The following SGCZ variants were observed in gnomAD, a reference collection of about 807,000 sequenced individuals.
SGCZ encodes sarcoglycan zeta.
SGCZ carries 40 observed loss-of-function variants against 41.3 expected under a neutral mutation model. That is an observed-to-expected ratio of 0.97 (90% confidence interval 0.75 to 1.26). The LOEUF (loss-of-function observed/expected upper bound fraction) is 1.26. Among genes scored for constraint, SGCZ ranks in the 50% most tolerant of loss-of-function variants. The pLI, the probability that SGCZ is intolerant of heterozygous loss-of-function variation, is 0.00. For synonymous variants in SGCZ, 206 were observed against 137.5 expected (o/e 1.50, Z -3.49); for missense variants, 552 against 369.8 (o/e 1.49, Z -4.04).
At chr8:14,758,688 A>G (rs1259167793) in intron 1 of SGCZ, among the ~76,000 whole-genome samples, 1 of 152,214 alleles carries the variant, frequency 6.6e-6, no homozygotes, top group Non-Finnish European at 1.5e-5. Context: ...GAAATTATTT[A>G]CCATTTATTT....
At chr8:14,573,748 T>C (rs62498434) in intron 1 of SGCZ, among the ~76,000 whole-genome samples, 1 of 152,154 alleles carries the variant, frequency 6.6e-6, no homozygotes. Context: ...ATGAAAAATA[T>C]TCAACGAATA....
intron 2 of SGCZ, among the ~76,000 whole-genome samples, chr8:14,419,997 G>C (rs1256422545): frequency 1.3e-5 from 2 of 152,018 alleles, no homozygotes; most frequent in Non-Finnish European, 1.5e-5. Flanking sequence ...AATGTGATTT[G>C]TTGAAAGTAT....
intron 1 of SGCZ, among the ~76,000 whole-genome samples, chr8:14,880,171 T>C (rs1304138803): frequency 6.6e-6 from 1 of 152,166 alleles, no homozygotes; most frequent in Non-Finnish European, 1.5e-5. Flanking sequence ...CAGGCATTAA[T>C]TTGCTCCTGT....
At chr8:14,592,164 T>C (rs1363429871) in intron 1 of SGCZ, among the ~76,000 whole-genome samples, 2 of 152,170 alleles carry the variant, frequency 1.3e-5, no homozygotes, top group Non-Finnish European at 2.9e-5. Context: ...TTTCATTTGT[T>C]CATTTAAACA....
chr8:15,004,325 C>T (rs545385368), intron 1 of SGCZ, among the ~76,000 whole-genome samples: 22 of 152,088 alleles, frequency 1.4e-4, no homozygotes, highest in Admixed American at 4.6e-4. Context: ...ACCAGGCCCA[C>T]GCATGTGCAC....
intron 1 of SGCZ, among the ~76,000 whole-genome samples, chr8:14,995,716 A>T (rs1250900355): frequency 6.6e-6 from 1 of 152,224 alleles, no homozygotes; most frequent in African/African-American, 2.4e-5. Flanking sequence ...AAAATAGCAT[A>T]ATAACAACTG....
intron 1 of SGCZ, among the ~76,000 whole-genome samples, chr8:14,667,224 A>C (rs966111717): frequency 6.6e-6 from 1 of 152,166 alleles, no homozygotes; most frequent in Non-Finnish European, 1.5e-5. Context: ...TCAATTCCTA[A>C]ACTAATTTCT....
chr8:14,624,308 G>C (rs1806378268), intron 1 of SGCZ, among the ~76,000 whole-genome samples: 1 of 152,006 alleles, frequency 6.6e-6, no homozygotes, highest in African/African-American at 2.4e-5. Flanking sequence ...CCAAGAAAGT[G>C]ATGTCTTTAT....
intron 2 of SGCZ, among the ~76,000 whole-genome samples, chr8:14,326,623 G>C (rs570400940): frequency 9.0e-4 from 137 of 152,206 alleles, no homozygotes; most frequent in Admixed American, 1.5e-3. Flanking sequence ...TGTCAAAACT[G>C]ATGCTGGAAA....
At chr8:14,197,209 C>T (rs1805293501) in intron 4 of SGCZ, among the ~76,000 whole-genome samples, 1 of 152,090 alleles carries the variant, frequency 6.6e-6, no homozygotes, top group African/African-American at 2.4e-5. Context: ...ACTAATTCTA[C>T]TAAATATTTA....
chr8:14,780,817 T>G (rs1800567030), intron 1 of SGCZ, among the ~76,000 whole-genome samples: 1 of 152,194 alleles, frequency 6.6e-6, no homozygotes, highest in African/African-American at 2.4e-5. Flanking sequence ...TTTTTTAAAT[T>G]ACTTCCAGAG....
intron 3 of SGCZ, among the ~76,000 whole-genome samples, chr8:14,284,692 C>G (rs1378899830): frequency 1.3e-5 from 2 of 152,032 alleles, no homozygotes; most frequent in African/African-American, 4.8e-5. Context: ...CTGTTATTTT[C>G]TGCACCTTGT....
chr8:14,228,168 T>C (rs1317485723), intron 4 of SGCZ, among the ~76,000 whole-genome samples: 1 of 152,116 alleles, frequency 6.6e-6, no homozygotes, highest in Non-Finnish European at 1.5e-5. Flanking sequence ...AAGACATGTT[T>C]CTTATCAAGG....
intron 1 of SGCZ, among the ~76,000 whole-genome samples, chr8:14,975,261 G>A (rs988049060): frequency 1.1e-4 from 16 of 152,042 alleles, no homozygotes; most frequent in South Asian, 6.2e-4. Context: ...AGCCAAGATC[G>A]CACCACTGCA....
intron 4 of SGCZ, among the ~76,000 whole-genome samples, chr8:14,170,270 G>C (rs993647051): frequency 2.6e-5 from 4 of 151,994 alleles, no homozygotes; most frequent in Non-Finnish European, 5.9e-5. Flanking sequence ...AATGCTGTGA[G>C]GAAAGGTACA....
At chr8:14,464,479 G>A (rs1012276096) in intron 2 of SGCZ, among the ~76,000 whole-genome samples, 6 of 138,632 alleles carry the variant, frequency 4.3e-5, no homozygotes, top group African/African-American at 1.6e-4. Context: ...TTGGAAATTT[G>A]AGTGGTATTT....
intron 2 of SGCZ, among the ~76,000 whole-genome samples, chr8:14,456,900 A>T (rs1800761523): frequency 6.6e-6 from 1 of 151,644 alleles, no homozygotes; most frequent in Non-Finnish European, 1.5e-5. Context: ...CTCCAACCAC[A>T]CTCTCTCTCT....
chr8:14,129,212 G>A (rs1802958294), intron 5 of SGCZ, among the ~76,000 whole-genome samples: 1 of 151,800 alleles, frequency 6.6e-6, no homozygotes, highest in Non-Finnish European at 1.5e-5. Context: ...TGGGTGTGGT[G>A]GCAGGTGCCT....
intron 2 of SGCZ, among the ~76,000 whole-genome samples, chr8:14,352,842 T>C (rs1357762301): frequency 1.1e-4 from 17 of 152,150 alleles, no homozygotes; most frequent in Non-Finnish European, 1.9e-4. Context: ...TATTTTTAGG[T>C]GTCTTTTAAC....
Sources: gnomAD v4.1 joint callset for allele counts (sites outside exome capture counted in the v4.1 genomes callset) on GRCh38, gnomAD v4.1.1 for gene constraint, MANE v1.5 for transcripts, NCBI Gene and HGNC (gene_info 2026-07-23, HGNC 2026-07-21) for gene names.